Variants in NTRK3 observed in about 807,000 individuals in gnomAD.
NTRK3 encodes the protein neurotrophic receptor tyrosine kinase 3.
NTRK3 carries 24 observed loss-of-function variants against 91.7 expected under a neutral mutation model. The observed-to-expected ratio is 0.26, with a 90% CI of 0.19 to 0.37. The LOEUF is 0.37. Among genes scored for constraint, NTRK3 ranks in the 10% least tolerant of loss-of-function variants. The pLI is 1.00. For synonymous variants in NTRK3, 483 were observed against 404.0 expected (o/e 1.20, Z -2.34); for missense variants, 880 against 1,068.9 (o/e 0.82, Z 2.46).
chr15:88,062,383 C>T (rs2046298638), intron 13 of NTRK3, among the ~76,000 whole-genome samples: 1 of 152,200 alleles, frequency 6.6e-6, no homozygotes, highest in Non-Finnish European at 1.5e-5. Flanking sequence ...CACATGTCTT[C>T]CCAACATAAA....
At position 88,150,660 on chromosome 15, in the gene NTRK3, A is replaced by G. The variant is rs906818780; in HGVS notation, c.396-3257T>C. On this transcript the variant is annotated intron_variant, in intron 5 of 18. Transcript: ENST00000394480. ...TTGCAGAGCCTGGAAACTGTATTGC[A>G]CAAGTTCAGGGAGGGTTGCAGTGTG... Among the ~76,000 whole-genome samples, 23 of 152,284 alleles carry G rather than the reference A, an allele frequency of 1.5e-4. No individual in the cohort carries two copies. In the East Asian group the frequency reaches 4.5e-3, roughly 30 times the overall value.
chr15:88,118,551 A>T (rs1415445410), intron 13 of NTRK3, among the ~76,000 whole-genome samples: 1 of 152,244 alleles, frequency 6.6e-6, no homozygotes, highest in Non-Finnish European at 1.5e-5. Flanking sequence ...GTATGTCACC[A>T]TGATTTTTGG....
At chr15:87,897,183 C>T (rs1476972707) in intron 17 of NTRK3, among the ~76,000 whole-genome samples, 1 of 152,070 alleles carries the variant, frequency 6.6e-6, no homozygotes, top group Non-Finnish European at 1.5e-5. Context: ...GATAAATAGG[C>T]CCATTGTGAT....
chr15:88,165,249 T>G (rs1422067359), intron 5 of NTRK3, among the ~76,000 whole-genome samples: 1 of 152,204 alleles, frequency 6.6e-6, no homozygotes. Flanking sequence ...TGCTTGTAGT[T>G]CTTTGTGCAA....
At chr15:88,017,375 A>C (rs938498415) in intron 14 of NTRK3, among the ~76,000 whole-genome samples, 2 of 152,218 alleles carry the variant, frequency 1.3e-5, no homozygotes, top group African/African-American at 4.8e-5. Context: ...AATATGCCAA[A>C]AGGCTGATTA....
chr15:88,005,582 C>T (rs1345048892), intron 14 of NTRK3, among the ~76,000 whole-genome samples: 1 of 152,188 alleles, frequency 6.6e-6, no homozygotes, highest in East Asian at 1.9e-4. Flanking sequence ...CAACTTTAGA[C>T]TCCATGCATG....
chr15:88,084,009 A>G (rs1382552210), intron 13 of NTRK3, among the ~76,000 whole-genome samples: 1 of 151,924 alleles, frequency 6.6e-6, no homozygotes, highest in Admixed American at 6.6e-5. Flanking sequence ...AGGAAAATTT[A>G]ATCCATATGT....
chr15:88,036,255 TAA>T (rs2079061901), intron 13 of NTRK3, among the ~76,000 whole-genome samples: 2 of 151,934 alleles, frequency 1.3e-5, no homozygotes, highest in Non-Finnish European at 2.9e-5. Context: ...GCCCTAGAGA[TAA>T]AGAGAAGATG....
At chr15:88,074,455 G>A (rs2047361958) in intron 13 of NTRK3, among the ~76,000 whole-genome samples, 2 of 152,200 alleles carry the variant, frequency 1.3e-5, no homozygotes, top group East Asian at 1.9e-4. Flanking sequence ...AGCAGCCATC[G>A]TATTGGAGAG....
intron 10 of NTRK3, among the ~76,000 whole-genome samples, chr15:88,132,683 G>T (rs968814754): frequency 6.6e-6 from 1 of 152,090 alleles, no homozygotes; most frequent in Admixed American, 6.5e-5. Context: ...GCTTAGCTGG[G>T]GTGAGTTCGG....
rs534975346 is a variant in NTRK3 at position 88,226,629 on chromosome 15, G to T, written c.248+29277C>A. Among the ~76,000 whole-genome samples the T allele has an allele frequency of 1.9e-3, 294 of 152,346 alleles. 1 individual carries two copies. The highest frequency in any genetic ancestry group is 3.7e-3 in the Non-Finnish European group (250 of 68,032). On this transcript the variant is annotated intron_variant, in intron 3 of 18. Coordinates refer to ENST00000394480, the Ensembl canonical transcript of NTRK3. ...CCTCCATCCTGACATACCAGGGGGA[G>T]CACTGAGCCATCTCTGGGCCGCACG...
chr15:87,901,044 T>C (rs1313937626), intron 17 of NTRK3, among the ~76,000 whole-genome samples: 2 of 152,102 alleles, frequency 1.3e-5, no homozygotes, highest in Non-Finnish European at 2.9e-5. Context: ...CTCTTGGCAG[T>C]GAAGGGTGTA....
chr15:88,237,340 C>T lies in NTRK3; in HGVS notation c.248+18566G>A, dbSNP rs562846414. On this transcript the variant is annotated intron_variant, in intron 3 of 18. Coordinates refer to ENST00000394480, the Ensembl canonical transcript of NTRK3. The surrounding 1 kb of genome is among the most constrained non-coding windows in gnomAD (Gnocchi z 4.0). ...TTTACATGTCCCAAAGAAAACAATT[C>T]CATAGCCCTATTTTGTGACCCATTG... Among the ~76,000 whole-genome samples, 9 of 152,214 alleles carry T rather than the reference C, an allele frequency of 5.9e-5. No individual in the cohort carries two copies. Among genetic ancestry groups the T allele is most frequent in the South Asian group, 2.1e-4 (1 of 4,806 alleles).
intron 3 of NTRK3, among the ~76,000 whole-genome samples, chr15:88,199,176 G>A (rs888012480): frequency 6.6e-6 from 1 of 152,076 alleles, no homozygotes; most frequent in South Asian, 2.1e-4. Context: ...ATCATCACTT[G>A]GGGGGCTCAG....
chr15:88,091,740 A>G (rs959815533), intron 13 of NTRK3, among the ~76,000 whole-genome samples: 2 of 152,188 alleles, frequency 1.3e-5, no homozygotes, highest in African/African-American at 4.8e-5. Flanking sequence ...CATCTGACCC[A>G]TATTTGTCGA....
At chr15:87,928,037 T>C (rs925461795) in intron 17 of NTRK3, 1 of 152,220 alleles carries the variant, frequency 6.6e-6, no homozygotes, top group Non-Finnish European at 1.5e-5. Flanking sequence ...TGGAGTGCAG[T>C]GGTGTGATCT....
intron 3 of NTRK3, among the ~76,000 whole-genome samples, chr15:88,197,959 T>C (rs1307054637): frequency 6.6e-6 from 1 of 152,226 alleles, no homozygotes; most frequent in African/African-American, 2.4e-5. Flanking sequence ...TGATCTCCCA[T>C]GGCCTCAGTT....
Position 88,234,045 on chromosome 15 carries a change from C to T in NTRK3, c.248+21861G>A, listed in dbSNP as rs920701840. On this transcript the variant is annotated intron_variant, in intron 3 of 18. Coordinates refer to ENST00000394480, the Ensembl canonical transcript of NTRK3. This position sits in a 1 kb window ranked among gnomAD's most constrained non-coding sequence, Gnocchi z 6.1. ...AGTCCCTTTCTGCCACCATGCACCT[C>T]GATGCCTCTCGGGTGGGACCAAGCC... is the stretch of plus-strand genomic sequence containing the variant. 1.3e-5 allele frequency among the ~76,000 whole-genome samples: 2 copies of T among 152,184 alleles called. No individual in the cohort carries two copies. The highest frequency in any genetic ancestry group is 2.9e-5 in the Non-Finnish European group (2 of 68,036).
chr15:87,987,525 A>ATGTGTGTG (rs140007526), intron 14 of NTRK3, among the ~76,000 whole-genome samples: 1 of 148,318 alleles, frequency 6.7e-6, no homozygotes, highest in East Asian at 2.0e-4. Flanking sequence ...AGATAGATAG[A>ATGTGTGTG]TGTGTGTGTG....
Sources: gnomAD v4.1 joint callset for allele counts (sites outside exome capture counted in the v4.1 genomes callset) on GRCh38, gnomAD v4.1.1 for gene constraint, Gnocchi (gnomAD v3.1) non-coding constraint, MANE v1.5 for transcripts, NCBI Gene and HGNC (gene_info 2026-07-23, HGNC 2026-07-21) for gene names.